EGF: variants seen among roughly 807,000 people sequenced by gnomAD.
EGF encodes pro-epidermal growth factor.
In EGF, 95 loss-of-function variants were observed where a neutral mutation model predicts 143.8. The observed-to-expected ratio is 0.66, with a 90% CI of 0.56 to 0.78. The LOEUF is 0.78. EGF is among the 30% of genes least tolerant of loss of function. The pLI is 0.00. For synonymous variants in EGF, 510 were observed against 510.5 expected (o/e 1.00, Z 0.01); for missense variants, 1,320 against 1,470.9 (o/e 0.90, Z 1.68).
intron 20 of EGF, among the ~76,000 whole-genome samples, chr4:109,996,425 A>G (rs1460632860): frequency 6.6e-6 from 1 of 152,242 alleles, no homozygotes; most frequent in Non-Finnish European, 1.5e-5. Context: ...AAATATTACC[A>G]GAGTTCACAG....
rs11569011 is a variant in EGF at position 109,979,923 on chromosome 4, C to T, written c.2054-49C>T. 3.9e-5 allele frequency: 63 copies of T among 1,602,774 alleles called. No individual in the cohort carries two copies. The African/African-American group carries it at 8.2e-4, about 21-fold the overall frequency. ...CAAGCCTTGTCCTTTCGTAAATAGTCATTGCAAAGACAAAGAAGGTGTATT... is the reference window on the plus strand; with the variant it reads ...CAAGCCTTGTCCTTTCGTAAATAGTTATTGCAAAGACAAAGAAGGTGTATT... On this transcript the variant is annotated intron_variant, in intron 13 of 23. Coordinates refer to ENST00000265171, the MANE Select transcript of EGF (RefSeq NM_001963.6).
chr4:109,955,989 G>C (rs1432695147), intron 5 of EGF, among the ~76,000 whole-genome samples: 1 of 152,146 alleles, frequency 6.6e-6, no homozygotes, highest in African/African-American at 2.4e-5. Context: ...ACTGGATCTA[G>C]AAGAACAAAG....
intron 18 of EGF, among the ~76,000 whole-genome samples, chr4:109,992,170 TAAAAAAAAAAAAAAA>T (rs58841408): frequency 1.4e-4 from 9 of 65,632 alleles, no homozygotes; most frequent in South Asian, 7.3e-4. Context: ...CAAGATTCTT[TAAAAAAAAAAAAAAA>T]AAAAAAAAAA....
chr4:109,919,343 T>TCTCTCTC (rs1737371676), intron 1 of EGF, among the ~76,000 whole-genome samples: 1 of 100,812 alleles, frequency 9.9e-6, no homozygotes, highest in Non-Finnish European at 2.1e-5. Flanking sequence ...CTCTCTCTCA[T>TCTCTCTC]CTCTCTCTCT....
chr4:109,965,808 A>C (rs1476484501), intron 10 of EGF, among the ~76,000 whole-genome samples: 1 of 152,126 alleles, frequency 6.6e-6, no homozygotes. Flanking sequence ...ATTCTTATGC[A>C]CATTAGAGTT....
In EGF at chr4:110,004,632, C is replaced by T; in HGVS notation, c.3291+10C>T. ...TTGCCCTCAACCTTGGGTAATGTGA[C>T]CAAAGCAGATGAAGCAAGGAATTGG... On this transcript the variant is annotated intron_variant, in intron 22 of 23. Transcript: ENST00000265171. The T allele has an allele frequency of 6.2e-7, 1 of 1,612,258 alleles. No homozygotes were observed. Among genetic ancestry groups the T allele is most frequent in the Non-Finnish European group, 8.5e-7 (1 of 1,178,368 alleles).
rs148355596 is a variant in EGF at position 109,964,543 on chromosome 4, G to A, written c.1575+6G>A. 4 of 1,613,736 alleles carry A rather than the reference G, an allele frequency of 2.5e-6. No individual in the cohort carries two copies. The highest frequency in any genetic ancestry group is 1.7e-5 in the Admixed American group (1 of 60,008). On this transcript the variant is annotated splice_donor_region_variant and intron_variant, in intron 10 of 23. Transcript: ENST00000265171. ...ATGACCCTGTGGAAAATAAGGTATG[G>A]TTTTGTTACTTGAACAGATGTGGAC...
rs1285110849 is a variant in EGF, at chr4:110,004,639, A to T, written c.3291+17A>T. On this transcript the variant is annotated intron_variant, in intron 22 of 23. Transcript: ENST00000265171. Reference sequence around the variant, plus strand: ...CAACCTTGGGTAATGTGACCAAAGCAGATGAAGCAAGGAATTGGCTTGATA... The same window carrying T: ...CAACCTTGGGTAATGTGACCAAAGCTGATGAAGCAAGGAATTGGCTTGATA... The T allele has an allele frequency of 6.2e-7, 1 of 1,609,446 alleles. No individual in the cohort carries two copies. Among genetic ancestry groups the T allele is most frequent in the East Asian group, 2.2e-5 (1 of 44,868 alleles).
chr4:109,974,791 G>A lies in EGF; in HGVS notation c.1813G>A (p.Val605Ile), dbSNP rs151263020. 63 of 1,613,136 alleles carry A rather than the reference G, an allele frequency of 3.9e-5. No homozygotes were observed. The highest frequency in any genetic ancestry group is 5.2e-5 in the Non-Finnish European group (61 of 1,179,366). The change falls in exon 12 of 24, where the codon GTT becomes ATT. Residue 605 changes from valine to isoleucine, a missense_variant. By Grantham distance (29) the Val-to-Ile change is conservative. This residue lies in a region of EGF where 1,186 missense variants were observed against 1,313.7 expected (regional missense o/e 0.90). Transcript: ENST00000265171. ...ENISQPRGIA[V>I]HPMAKRLFWT... ...CATCTCTCAACCACGAGGAATTGCT[G>A]TTCATCCAATGGCCAAGTAGGTATT...
chr4:109,956,095 T>C (rs910148911), intron 5 of EGF, among the ~76,000 whole-genome samples: 1 of 152,252 alleles, frequency 6.6e-6, no homozygotes, highest in South Asian at 2.1e-4. Flanking sequence ...TGATAATCTT[T>C]AGAGGTATAA....
At chr4:109,944,389 A>G (rs982522837) in intron 4 of EGF, among the ~76,000 whole-genome samples, 1 of 152,208 alleles carries the variant, frequency 6.6e-6, no homozygotes, top group Non-Finnish European at 1.5e-5. Context: ...CAGTGAGCCG[A>G]TATCGTGCCA....
chr4:109,986,089 G>T (rs1341733250), intron 16 of EGF, among the ~76,000 whole-genome samples: 1 of 152,048 alleles, frequency 6.6e-6, no homozygotes, highest in Non-Finnish European at 1.5e-5. Flanking sequence ...TAGAGAAGAG[G>T]AATGTGAACA....
At chr4:109,971,965 G>T (rs1412340805) in intron 11 of EGF, among the ~76,000 whole-genome samples, 3 of 152,002 alleles carry the variant, frequency 2.0e-5, no homozygotes, top group Non-Finnish European at 4.4e-5. Flanking sequence ...AAAGTCAATT[G>T]CCTAGTAAAG....
At chr4:109,979,665 T>C (rs551880944) in intron 13 of EGF, among the ~76,000 whole-genome samples, 1 of 152,168 alleles carries the variant, frequency 6.6e-6, no homozygotes, top group East Asian at 1.9e-4. Context: ...CAAGGAAAAT[T>C]CCACCTTTCT....
At chr4:109,989,967 T>A (rs1305866481) in intron 18 of EGF, among the ~76,000 whole-genome samples, 1 of 152,150 alleles carries the variant, frequency 6.6e-6, no homozygotes, top group Non-Finnish European at 1.5e-5. Context: ...TTATAATACT[T>A]CGAACCTTGT....
At chr4:109,984,541 C>T (rs1336816563) in intron 16 of EGF, among the ~76,000 whole-genome samples, 1 of 152,090 alleles carries the variant, frequency 6.6e-6, no homozygotes, top group African/African-American at 2.4e-5. Context: ...TATGCAAGTC[C>T]CAAAGTCACC....
At chr4:109,936,117 A>C (rs1348015953) in intron 1 of EGF, among the ~76,000 whole-genome samples, 1 of 152,206 alleles carries the variant, frequency 6.6e-6, no homozygotes, top group Non-Finnish European at 1.5e-5. Flanking sequence ...TTTCAGAAGG[A>C]ATGATACCAG....
At chr4:109,929,974 T>G (rs954023742) in intron 1 of EGF, among the ~76,000 whole-genome samples, 3 of 152,140 alleles carry the variant, frequency 2.0e-5, no homozygotes, top group Admixed American at 2.0e-4. Context: ...GGGGGCGGTT[T>G]CCCCAGTGGT....
intron 17 of EGF, among the ~76,000 whole-genome samples, chr4:109,988,177 C>A (rs2126135290): frequency 6.7e-6 from 1 of 149,324 alleles, no homozygotes; most frequent in African/African-American, 2.5e-5. Context: ...TTCACCAATT[C>A]CAATGAAAAC....
Sources: gnomAD v4.1 joint callset for allele counts (sites outside exome capture counted in the v4.1 genomes callset) on GRCh38, gnomAD v4.1.1 for gene constraint, gnomAD v4.1.1 regional missense constraint, MANE v1.5 for transcripts, NCBI Gene and HGNC (gene_info 2026-07-23, HGNC 2026-07-21) for gene names.